CALCR: variants seen among roughly 807,000 people sequenced by gnomAD.
The protein encoded by CALCR is calcitonin receptor.
In CALCR, 47 loss-of-function variants were observed where a neutral mutation model predicts 59.5. The observed-to-expected ratio is 0.79, with a 90% confidence interval of 0.63 to 1.01. CALCR has a LOEUF of 1.01. CALCR is among the 50% of genes least tolerant of loss of function. The pLI is 0.00. For synonymous variants in CALCR, 213 were observed against 211.3 expected (o/e 1.01, Z -0.07); for missense variants, 566 against 597.1 (o/e 0.95, Z 0.54).
intron 2 of CALCR, among the ~76,000 whole-genome samples, chr7:93,525,281 T>C (rs919019270): frequency 5.9e-5 from 9 of 152,196 alleles, no homozygotes; most frequent in African/African-American, 2.2e-4. Context: ...TAATACTAGC[T>C]CCCTGCTATA....
intron 8 of CALCR, among the ~76,000 whole-genome samples, chr7:93,453,934 T>C (rs1044051452): frequency 2.6e-5 from 4 of 152,092 alleles, no homozygotes; most frequent in African/African-American, 4.8e-5. Flanking sequence ...TGAAGTAGCA[T>C]AGATGACCAG....
intron 2 of CALCR, among the ~76,000 whole-genome samples, chr7:93,550,953 T>C (rs928063541): frequency 3.3e-5 from 5 of 152,210 alleles, no homozygotes; most frequent in Admixed American, 2.6e-4. Context: ...TTTTAATTTA[T>C]ACCTGCTTCT....
intron 13 of CALCR, among the ~76,000 whole-genome samples, chr7:93,432,473 C>G (rs1426827120): frequency 6.6e-6 from 1 of 152,186 alleles, no homozygotes. Context: ...GCACAGTACA[C>G]AATTCTATAT....
intron 2 of CALCR, among the ~76,000 whole-genome samples, chr7:93,550,787 A>G (rs1233324208): frequency 6.6e-6 from 1 of 152,168 alleles, no homozygotes; most frequent in African/African-American, 2.4e-5. Flanking sequence ...TGCACATGTG[A>G]CCTTCTTGTT....
chr7:93,461,010 A>C, intron 7 of CALCR, 63 bp from the exon 8 acceptor site: 1 of 1,349,518 alleles, frequency 7.4e-7, no homozygotes, highest in Non-Finnish European at 1.0e-6. Flanking sequence ...CTGGAAAAAA[A>C]CATTTTGGTA....
At chr7:93,553,560 C>A (rs1210871550) in intron 2 of CALCR, among the ~76,000 whole-genome samples, 2 of 151,872 alleles carry the variant, frequency 1.3e-5, no homozygotes, top group African/African-American at 4.8e-5. Flanking sequence ...GACTTCCTGA[C>A]AGATCTGTCA....
intron 2 of CALCR, among the ~76,000 whole-genome samples, chr7:93,560,204 T>A (rs556779306): frequency 1.3e-5 from 2 of 152,258 alleles, no homozygotes; most frequent in African/African-American, 2.4e-5. Flanking sequence ...AGACAGAAAC[T>A]CTTTATTCTT....
chr7:93,537,793 A>G (rs927756662), intron 2 of CALCR, among the ~76,000 whole-genome samples: 15 of 151,772 alleles, frequency 9.9e-5, no homozygotes, highest in African/African-American at 3.4e-4. Flanking sequence ...TTAATTTCCT[A>G]TAAAAAGTTA....
At chr7:93,503,662 A>C (rs1185245345) in intron 2 of CALCR, among the ~76,000 whole-genome samples, 1 of 152,222 alleles carries the variant, frequency 6.6e-6, no homozygotes. Context: ...TGTTGCTGAT[A>C]GGAATGTTCC....
intron 2 of CALCR, among the ~76,000 whole-genome samples, chr7:93,537,336 T>A (rs970476597): frequency 9.2e-5 from 14 of 151,798 alleles, no homozygotes; most frequent in African/African-American, 2.2e-4. Context: ...TTTTGGGTAA[T>A]GAAGGTATCA....
chr7:93,480,043 T>A (rs1295851992), intron 3 of CALCR, among the ~76,000 whole-genome samples: 1 of 151,948 alleles, frequency 6.6e-6, no homozygotes, highest in Non-Finnish European at 1.5e-5. Flanking sequence ...CTCCTCATAA[T>A]TGACCATAAT....
rs62466836 is a variant in CALCR at position 93,424,507 on chromosome 7, T to C, written c.*1849A>G. On this transcript the variant is annotated 3_prime_UTR_variant, in exon 14 of 14. Transcript: ENST00000426151. ...TGAATGAATGAAAAGATGAATAATA[T>C]ATTTCTTTAGAAAAATATGCAAATA... 4,412 of 152,520 alleles carry C rather than the reference T, an allele frequency of 0.029. 118 individuals carry two copies. Among genetic ancestry groups the C allele is most frequent in the Non-Finnish European group, 0.041 (2,782 of 67,986 alleles). The allele number at this position is 152,520 out of a possible 1,614,324, so 9.4% of individuals were successfully genotyped here.
intron 7 of CALCR, among the ~76,000 whole-genome samples, chr7:93,466,444 C>A (rs577396520): frequency 6.6e-6 from 1 of 151,702 alleles, no homozygotes; most frequent in African/African-American, 2.4e-5. Flanking sequence ...AAGACAGATG[C>A]CCTTTATATT....
At chr7:93,530,550 C>T (rs1033313015) in intron 2 of CALCR, among the ~76,000 whole-genome samples, 1 of 152,014 alleles carries the variant, frequency 6.6e-6, no homozygotes, top group Non-Finnish European at 1.5e-5. Flanking sequence ...TTTTAAAATT[C>T]ATTAGAGATC....
chr7:93,480,022 T>C (rs1393578545), intron 3 of CALCR, among the ~76,000 whole-genome samples: 1 of 151,920 alleles, frequency 6.6e-6, no homozygotes, highest in East Asian at 1.9e-4. Flanking sequence ...ACAAACAAAA[T>C]ATGTTTTCTG....
rs149928313 is a variant in CALCR at position 93,484,510 on chromosome 7, C to T, written c.51+2421G>A. On this transcript the variant is annotated intron_variant, in intron 3 of 13. Coordinates refer to ENST00000426151, the MANE Select transcript of CALCR (RefSeq NM_001742.4). ...ACCAATGAGATTTTCATGTCACCATCCTTAATGTTGATAATGTATATAATT... is the reference window on the plus strand; with the variant it reads ...ACCAATGAGATTTTCATGTCACCATTCTTAATGTTGATAATGTATATAATT... Among the ~76,000 whole-genome samples the T allele has an allele frequency of 5.9e-5, 9 of 151,802 alleles. No homozygotes were observed. The East Asian group carries it at 1.8e-3, about 30-fold the overall frequency.
intron 2 of CALCR, among the ~76,000 whole-genome samples, chr7:93,528,143 T>A (rs1313804510): frequency 6.6e-6 from 1 of 152,186 alleles, no homozygotes; most frequent in Non-Finnish European, 1.5e-5. Flanking sequence ...TTTCGTACAC[T>A]TCTAACAAAG....
intron 2 of CALCR, among the ~76,000 whole-genome samples, chr7:93,552,400 G>C (rs888679076): frequency 6.6e-6 from 1 of 152,140 alleles, no homozygotes; most frequent in Admixed American, 6.6e-5. Context: ...AGGCCACACT[G>C]TTTCAGGTCT....
intron 5 of CALCR, among the ~76,000 whole-genome samples, chr7:93,477,313 A>G (rs901482869): frequency 6.6e-6 from 1 of 151,896 alleles, no homozygotes; most frequent in Non-Finnish European, 1.5e-5. Flanking sequence ...GTTTTAGAAA[A>G]GCTATTTTTA....
Sources: gnomAD v4.1 joint callset for allele counts (sites outside exome capture counted in the v4.1 genomes callset) on GRCh38, gnomAD v4.1.1 for gene constraint, MANE v1.5 for transcripts, NCBI Gene and HGNC (gene_info 2026-07-23, HGNC 2026-07-21) for gene names.